Variants in CEP20 observed in about 807,000 individuals in gnomAD.
CEP20 encodes FGFR1OP N-terminal like.
Under a neutral mutation model 20.0 loss-of-function variants are expected in CEP20, and 18 were observed. That is an observed-to-expected ratio of 0.90 (90% confidence interval 0.62 to 1.34). The LOEUF (loss-of-function observed/expected upper bound fraction) is 1.34. Among genes scored for constraint, CEP20 ranks in the 40% most tolerant of loss-of-function variants. The pLI, the probability that CEP20 is intolerant of heterozygous loss-of-function variation, is 0.00. For synonymous variants in CEP20, 77 were observed against 73.7 expected, an observed-to-expected ratio of 1.04 and a Z score of -0.23; for missense variants, 215 against 201.6, an observed-to-expected ratio of 1.07 and a Z score of -0.40.
chr16:15,880,333 G>A (rs1249275962), intron 2 of CEP20, among the ~76,000 whole-genome samples: 1 of 152,146 alleles, frequency 6.6e-6, no homozygotes, highest in Non-Finnish European at 1.5e-5. Flanking sequence ...AAACAGTTGA[G>A]CAGTTTTCTT....
At chr16:15,871,858 C>T (rs552461332) in intron 4 of CEP20, among the ~76,000 whole-genome samples, 12 of 152,326 alleles carry the variant, frequency 7.9e-5, no homozygotes, top group Admixed American at 5.2e-4. Context: ...CACCAAGCAT[C>T]TAACACGGTC....
At chr16:15,876,128 C>A (rs908449474) in intron 3 of CEP20, among the ~76,000 whole-genome samples, 12 of 149,858 alleles carry the variant, frequency 8.0e-5, no homozygotes, top group African/African-American at 2.9e-4. Flanking sequence ...TTTAGGACTC[C>A]CTGGCACATA....
chr16:15,875,068 C>A (rs1237863216), intron 3 of CEP20, among the ~76,000 whole-genome samples: 2 of 152,202 alleles, frequency 1.3e-5, no homozygotes, highest in African/African-American at 4.8e-5. Context: ...GCTAGACTTA[C>A]GTGACTAAGC....
chr16:15,873,447 CA>C (rs767515535), intron 4 of CEP20, 43 bp downstream of exon 4: 190 of 1,582,356 alleles, frequency 1.2e-4, no homozygotes, highest in Non-Finnish European at 1.5e-4. Context: ...AGGAAGAAAA[CA>C]TATTTGCTGA....
At chr16:15,886,899 T>G (rs1337790081) in intron 1 of CEP20, among the ~76,000 whole-genome samples, 1 of 148,124 alleles carries the variant, frequency 6.8e-6, no homozygotes, top group East Asian at 2.0e-4. Flanking sequence ...TTTTATTTTT[T>G]AATTTGTTTT....
chr16:15,881,359 C>T (rs2045093364), intron 2 of CEP20, among the ~76,000 whole-genome samples: 1 of 152,106 alleles, frequency 6.6e-6, no homozygotes. Context: ...CTGGGTGTAA[C>T]TGGTATCATA....
At chr16:15,886,265 A>C (rs1297560269) in intron 1 of CEP20, 3 of 152,242 alleles carry the variant, frequency 2.0e-5, no homozygotes, top group African/African-American at 7.2e-5. Context: ...CCTGGATCAT[A>C]TGACTAAAGA....
At position 15,882,345 on chromosome 16, in the gene CEP20, T is replaced by A. The variant is rs552293675; in HGVS notation, c.226+1663A>T. Among the ~76,000 whole-genome samples the A allele has an allele frequency of 1.2e-4, 18 of 151,558 alleles. No homozygotes were observed. The East Asian group carries it at 1.7e-3, about 15-fold the overall frequency. ...TCACGAGGTCAGGAGACTGAGACCA[T>A]CCTGGCTAACGGTGAAACCCTGTCT... On this transcript the variant is annotated intron_variant, in intron 2 of 4. Transcript: ENST00000255759.
chr16:15,867,190 AGAGCG>A lies in CEP20; in HGVS notation c.*245_*249del. ...GCCACTGCACTCCAGTCTGGGTGAC[AGAGCG>A]AGACTCCATCTCAAAAAAACAAAAA... On this transcript the variant is annotated 3_prime_UTR_variant, in exon 5 of 5. Coordinates refer to ENST00000255759, the MANE Select transcript of CEP20 (RefSeq NM_144600.4). The A allele has an allele frequency of 3.4e-6, 1 of 293,972 alleles. No individual in the cohort carries two copies. The allele number at this position is 293,972 out of a possible 1,614,324, so 18.2% of individuals were successfully genotyped here.
intron 4 of CEP20, 146 bp from the exon 5 acceptor site, chr16:15,867,662 A>AT: frequency 1.9e-6 from 1 of 538,452 alleles, no homozygotes; most frequent in Non-Finnish European, 3.1e-6. Flanking sequence ...AAAACCCATT[A>AT]TTTTTTAAAC....
chr16:15,871,064 A>T (rs1305230138), intron 4 of CEP20, among the ~76,000 whole-genome samples: 1 of 151,896 alleles, frequency 6.6e-6, no homozygotes, highest in Non-Finnish European at 1.5e-5. Flanking sequence ...TGAGTTGGAG[A>T]CCAGCCTGGC....
intron 4 of CEP20, among the ~76,000 whole-genome samples, chr16:15,868,052 CT>C (rs34672251): frequency 6.7e-6 from 1 of 149,208 alleles, no homozygotes. Context: ...AGTTTCTTGA[CT>C]TTTTTTTTGA....
intron 2 of CEP20, among the ~76,000 whole-genome samples, chr16:15,883,412 T>C (rs540062000): frequency 7.2e-4 from 109 of 152,030 alleles, no homozygotes; most frequent in African/African-American, 2.6e-3. Flanking sequence ...CAGACTGGAG[T>C]GCAGTGATGC....
intron 2 of CEP20, among the ~76,000 whole-genome samples, chr16:15,880,480 A>T (rs1422881110): frequency 6.6e-6 from 1 of 152,220 alleles, no homozygotes; most frequent in East Asian, 1.9e-4. Context: ...AACTGCTAAA[A>T]CTAGAAACAA....
chr16:15,867,493 G>A lies in CEP20; in HGVS notation c.472C>T (p.Gln158Ter). Residue 158 changes from glutamine (Q) to a stop codon, truncating the protein, a stop_gained, in exon 5 of 5, where the codon CAG becomes TAG. Transcript: ENST00000255759. LOFTEE classifies it low-confidence loss of function (END_TRUNC). The stretch of plus-strand genomic sequence containing the variant: ...AGATCTTCAATGTTAGTACTTTTCT[G>A]TTCCTCCTTTCTTAGGTGGTCATCT... ...PMDDHLRKEEQKSTNIEDLHV... is the reference protein window; with the variant it reads ...PMDDHLRKEE 6.2e-7 allele frequency: 1 copy of A among 1,603,956 alleles called. No homozygotes were observed. The highest frequency in any genetic ancestry group is 2.2e-5 in the East Asian group (1 of 44,614).
At chr16:15,880,321 GA>G (rs2045068391) in intron 2 of CEP20, among the ~76,000 whole-genome samples, 1 of 152,164 alleles carries the variant, frequency 6.6e-6, no homozygotes, top group African/African-American at 2.4e-5. Flanking sequence ...AGGCACTTTG[GA>G]AAACAGTTGA....
intron 2 of CEP20, among the ~76,000 whole-genome samples, chr16:15,881,393 A>C (rs1337601447): frequency 1.3e-5 from 2 of 152,212 alleles, no homozygotes; most frequent in Non-Finnish European, 2.9e-5. Context: ...CAAACAAAGG[A>C]AAGCAGAGAT....
chr16:15,866,131 G>GT lies in CEP20; in HGVS notation c.*1308dup, dbSNP rs1224725526. On this transcript the variant is annotated 3_prime_UTR_variant, in exon 5 of 5. Transcript: ENST00000255759. The stretch of plus-strand genomic sequence containing the variant: ...CCAGCAGGGCCTCCCAAAATGTTGT[G>GT]TAAGTATAGTTTAAATGGATTTCAT... 1.5e-5 allele frequency: 2 copies of GT among 130,742 alleles called. No homozygotes were observed. The highest frequency in any genetic ancestry group is 4.9e-5 in the African/African-American group (2 of 40,492). 8.1% of individuals were successfully genotyped at this position (130,742 alleles called of 1,614,324 possible).
intron 1 of CEP20, among the ~76,000 whole-genome samples, chr16:15,884,685 T>G (rs2045199030): frequency 6.6e-6 from 1 of 152,114 alleles, no homozygotes; most frequent in Non-Finnish European, 1.5e-5. Flanking sequence ...TTTGTATTTT[T>G]AGTAGAGACG....
Sources: allele counts gnomAD v4.1 joint callset (sites outside exome capture counted in the v4.1 genomes callset), GRCh38; gene constraint gnomAD v4.1.1; transcripts MANE v1.5; gene names NCBI Gene and HGNC (gene_info 2026-07-23, HGNC 2026-07-21).